Variants in OR1J2 observed in about 807,000 individuals in gnomAD.
OR1J2 encodes olfactory receptor family 1 subfamily J member 2.
For missense variants in OR1J2, 304 were observed against 246.1 expected (o/e 1.24, Z -1.57); for synonymous variants, 142 against 99.7 (o/e 1.42, Z -2.52).
chr9:122,555,848 A>G, the OR1J2 span, among the ~76,000 whole-genome samples: 1 of 152,212 alleles, frequency 6.6e-6, no homozygotes, highest in African/African-American at 2.4e-5. Context: ...TGGTACATTT[A>G]TTACAATCCA....
At chr9:122,463,430 C>A in the OR1J2 span, among the ~76,000 whole-genome samples, 1 of 152,158 alleles carries the variant, frequency 6.6e-6, no homozygotes, top group African/African-American at 2.4e-5. Context: ...TCTGGCACTT[C>A]AGAGATTTCA....
At chr9:122,460,286 T>C in the OR1J2 span, among the ~76,000 whole-genome samples, 33 of 152,208 alleles carry the variant, frequency 2.2e-4, no homozygotes, top group African/African-American at 7.0e-4. Context: ...AGTTGATTTT[T>C]GTATAAGGTG....
At chr9:122,567,379 A>G in the OR1J2 span, 1 of 509,898 alleles carries the variant, frequency 2.0e-6, no homozygotes, top group Non-Finnish European at 3.4e-6. Flanking sequence ...TAAGAGATAC[A>G]GGCCGAATTG....
chr9:122,511,086 G>C lies in OR1J2; in HGVS notation c.285G>C (p.Glu95Asp), dbSNP rs1199986553. The change falls in exon 1 of 1, where the codon GAG (glutamate) becomes GAC (aspartate). Residue 95 changes from glutamate to aspartate, a missense_variant. By Grantham distance (45) the Glu-to-Asp change is conservative. Coordinates refer to ENST00000335302, the MANE Select transcript of OR1J2 (RefSeq NM_054107.1). ...MRTKYKSILY[E>D]ECISQMYFFI... ...CTAAGTACAAATCGATCCTCTATGA[G>C]GAATGCATTTCTCAGATGTATTTTT... 1 of 1,159,106 alleles carries C rather than the reference G, an allele frequency of 8.6e-7. No homozygotes were observed. The highest frequency in any genetic ancestry group is 1.3e-6 in the Non-Finnish European group (1 of 789,936). The allele number at this position is 1,159,106 out of a possible 1,614,324, so 71.8% of individuals were successfully genotyped here.
At chr9:122,541,663 G>C in the OR1J2 span, among the ~76,000 whole-genome samples, 2 of 152,126 alleles carry the variant, frequency 1.3e-5, no homozygotes, top group Non-Finnish European at 2.9e-5. Context: ...CTTAAATACA[G>C]AATATTAAAA....
At chr9:122,562,987 G>T in the OR1J2 span, among the ~76,000 whole-genome samples, 1 of 152,134 alleles carries the variant, frequency 6.6e-6, no homozygotes, top group Non-Finnish European at 1.5e-5. Context: ...ACTTGAGGGT[G>T]CAGATGACTC....
the OR1J2 span, among the ~76,000 whole-genome samples, chr9:122,577,579 A>G: frequency 2.0e-5 from 3 of 152,230 alleles, no homozygotes; most frequent in East Asian, 1.9e-4. Context: ...ACTATTGGAT[A>G]AAATAATAAA....
At chr9:122,537,222 G>A in the OR1J2 span, among the ~76,000 whole-genome samples, 1 of 152,214 alleles carries the variant, frequency 6.6e-6, no homozygotes, top group African/African-American at 2.4e-5. Context: ...TGCATGCACC[G>A]GTGGTCAGAG....
At chr9:122,504,043 G>A in the OR1J2 span, among the ~76,000 whole-genome samples, 3 of 152,190 alleles carry the variant, frequency 2.0e-5, no homozygotes, top group African/African-American at 4.8e-5. Context: ...TCAATACAAC[G>A]TAGTTAGATG....
chr9:122,531,533 A>G, the OR1J2 span, among the ~76,000 whole-genome samples: 2 of 152,216 alleles, frequency 1.3e-5, no homozygotes, highest in Non-Finnish European at 2.9e-5. Context: ...GCGTCTATAC[A>G]GGAGCTCAAA....
the OR1J2 span, among the ~76,000 whole-genome samples, chr9:122,560,230 G>A: frequency 3.4e-4 from 51 of 151,834 alleles, no homozygotes; most frequent in Non-Finnish European, 6.5e-4. Context: ...TTCTTTGCAC[G>A]TGAGATGGAT....
chr9:122,568,300 T>G, the OR1J2 span: 1 of 1,613,984 alleles, frequency 6.2e-7, no homozygotes, highest in East Asian at 2.2e-5. Context: ...AAGAAATACA[T>G]AGGGGTCTGA....
chr9:122,546,745 G>T, the OR1J2 span, among the ~76,000 whole-genome samples: 1 of 152,124 alleles, frequency 6.6e-6, no homozygotes, highest in African/African-American at 2.4e-5. Flanking sequence ...AAGTACTTTT[G>T]TGTGTAAGAA....
the OR1J2 span, among the ~76,000 whole-genome samples, chr9:122,489,728 C>T: frequency 6.6e-6 from 1 of 152,118 alleles, no homozygotes. Flanking sequence ...TTGTTTGTGT[C>T]CACGTTCAAT....
chr9:122,565,829 T>C, the OR1J2 span, among the ~76,000 whole-genome samples: 6 of 152,232 alleles, frequency 3.9e-5, no homozygotes, highest in African/African-American at 1.4e-4. Flanking sequence ...GTTTGCCTAG[T>C]ATTTTATTTT....
At chr9:122,456,539 C>T in the OR1J2 span, among the ~76,000 whole-genome samples, 5 of 152,104 alleles carry the variant, frequency 3.3e-5, no homozygotes, top group African/African-American at 1.2e-4. Flanking sequence ...AAATCACTAG[C>T]TGACCATTAA....
the OR1J2 span, among the ~76,000 whole-genome samples, chr9:122,487,458 A>AACACAC: frequency 0.046 from 6,811 of 149,006 alleles, 159 homozygotes; most frequent in African/African-American, 0.052. Flanking sequence ...GGAGATGATT[A>AACACAC]ACACACACAC....
the OR1J2 span, among the ~76,000 whole-genome samples, chr9:122,534,884 T>C: frequency 6.6e-6 from 1 of 152,100 alleles, no homozygotes; most frequent in African/African-American, 2.4e-5. Flanking sequence ...ATTTAGATCT[T>C]GTAGGATGGA....
Position 122,511,182 on chromosome 9 carries a change from T to C in OR1J2, c.381T>C (p.Cys127=). The part of the protein sequence containing the change: ...SMAYDRYVAI[C]HPLHYTVIMR... The stretch of plus-strand genomic sequence containing the variant: ...CATATGACCGATATGTTGCCATATG[T>C]CACCCTCTCCACTACACTGTCATCA... The change falls in exon 1 of 1, where the codon TGT becomes TGC. Residue 127 remains cysteine, a synonymous_variant. Transcript: ENST00000335302. The C allele has an allele frequency of 1.4e-6, 1 of 720,168 alleles. No individual in the cohort carries two copies. Among genetic ancestry groups the C allele is most frequent in the Non-Finnish European group, 2.6e-6 (1 of 392,028 alleles). 44.6% of individuals were successfully genotyped at this position (720,168 alleles called of 1,614,324 possible).
Sources: gnomAD v4.1 joint callset for allele counts (sites outside exome capture counted in the v4.1 genomes callset) on GRCh38, gnomAD v4.1.1 for gene constraint, MANE v1.5 for transcripts, NCBI Gene and HGNC (gene_info 2026-07-23, HGNC 2026-07-21) for gene names.